The following RBFOX1 variants were observed in gnomAD, a reference collection of about 807,000 sequenced individuals.
RBFOX1 encodes RNA binding fox-1 homolog 1.
In RBFOX1, 8 loss-of-function variants were observed where a neutral mutation model predicts 57.7. That is an observed-to-expected ratio of 0.14 (90% confidence interval 0.08 to 0.25). RBFOX1 has a LOEUF of 0.25. Among genes scored for constraint, RBFOX1 ranks in the 10% least tolerant of loss-of-function variants. The pLI is 1.00. For missense variants in RBFOX1, 611 were observed against 548.5 expected (o/e 1.11, Z -1.14); for synonymous variants, 326 against 222.4 (o/e 1.47, Z -4.15).
chr16:7,294,921 A>T (rs1467787589), intron 4 of RBFOX1, among the ~76,000 whole-genome samples: 1 of 152,198 alleles, frequency 6.6e-6, no homozygotes, highest in Non-Finnish European at 1.5e-5. Context: ...TATTAGAAGG[A>T]TAAGATAGAT....
At chr16:5,497,998 G>A (rs2043059373) in intron 2 of RBFOX1, among the ~76,000 whole-genome samples, 1 of 152,128 alleles carries the variant, frequency 6.6e-6, no homozygotes, top group Admixed American at 6.6e-5. Context: ...TGCAAAGGCT[G>A]GAAGATGGGG....
intron 2 of RBFOX1, among the ~76,000 whole-genome samples, chr16:6,617,004 A>G (rs555148188): frequency 1.3e-5 from 2 of 152,270 alleles, no homozygotes; most frequent in South Asian, 4.1e-4. Flanking sequence ...GAAGATACAT[A>G]CTATCTGCTT....
At chr16:6,485,247 C>A (rs1003407857) in intron 2 of RBFOX1, among the ~76,000 whole-genome samples, 2 of 152,064 alleles carry the variant, frequency 1.3e-5, no homozygotes, top group Admixed American at 6.5e-5. Context: ...ACGTGTGATG[C>A]CTCCCCTCTA....
intron 3 of RBFOX1, among the ~76,000 whole-genome samples, chr16:6,867,760 T>C (rs991676123): frequency 4.6e-5 from 7 of 152,184 alleles, no homozygotes; most frequent in African/African-American, 4.8e-5. Flanking sequence ...ATGTGTGAAT[T>C]ACCCATGGCA....
chr16:7,046,641 C>T lies in RBFOX1; in HGVS notation c.-15-5416C>T, dbSNP rs187920135. On this transcript the variant is annotated intron_variant, in intron 3 of 15. Coordinates refer to ENST00000550418, the MANE Select transcript of RBFOX1 (RefSeq NM_018723.4). ...TTTTTTTTTTTGGAGTTGGGGAGTACAGAGTCTCAGTCTGTGTGCAATGGC... is the reference window on the plus strand; with the variant it reads ...TTTTTTTTTTTGGAGTTGGGGAGTATAGAGTCTCAGTCTGTGTGCAATGGC... Among the ~76,000 whole-genome samples the T allele has an allele frequency of 1.2e-3, 135 of 116,282 alleles. 1 individual carries two copies. The highest frequency in any genetic ancestry group is 7.0e-3 in the South Asian group (25 of 3,572). The allele number at this position is 116,282 out of a possible 152,430, so 76.3% of individuals were successfully genotyped here. A position where few individuals can be genotyped will look rare whatever the true frequency, so the allele number is the denominator to read the frequency against.
chr16:7,664,310 T>A (rs1395660921), intron 12 of RBFOX1, among the ~76,000 whole-genome samples: 1 of 152,188 alleles, frequency 6.6e-6, no homozygotes, highest in Non-Finnish European at 1.5e-5. Context: ...TTCTTGCACA[T>A]GTACCCATGC....
chr16:6,886,584 C>A (rs1049597929), intron 3 of RBFOX1, among the ~76,000 whole-genome samples: 1 of 151,722 alleles, frequency 6.6e-6, no homozygotes, highest in Non-Finnish European at 1.5e-5. Context: ...GAAACCATGT[C>A]TCTACTAAAA....
chr16:5,761,263 G>C (rs760857852), intron 3 of RBFOX1, among the ~76,000 whole-genome samples: 5 of 152,182 alleles, frequency 3.3e-5, no homozygotes, highest in Non-Finnish European at 5.9e-5. Flanking sequence ...TATAGAAGCA[G>C]AAAGGTGGGA....
intron 4 of RBFOX1, among the ~76,000 whole-genome samples, chr16:7,513,726 A>G (rs1011331175): frequency 2.6e-5 from 4 of 152,140 alleles, no homozygotes; most frequent in African/African-American, 4.8e-5. Context: ...CCTGCCACCT[A>G]TTAGGTTTTC....
At chr16:7,679,528 T>C (rs564498697) in intron 14 of RBFOX1, among the ~76,000 whole-genome samples, 2 of 152,292 alleles carry the variant, frequency 1.3e-5, no homozygotes, top group East Asian at 1.9e-4. Context: ...CAACAAACTT[T>C]CCCTGTAATC....
chr16:7,350,749 G>C (rs528643792), intron 4 of RBFOX1, among the ~76,000 whole-genome samples: 64 of 152,262 alleles, frequency 4.2e-4, no homozygotes, highest in Non-Finnish European at 7.8e-4. Context: ...AAGAGGGCCC[G>C]TTTCAGGGAT....
intron 3 of RBFOX1, among the ~76,000 whole-genome samples, chr16:7,040,296 G>C (rs946249593): frequency 5.9e-5 from 9 of 152,098 alleles, no homozygotes; most frequent in Admixed American, 5.2e-4. Flanking sequence ...TGGGATTGCA[G>C]GTGTGAGCCA....
chr16:6,890,931 G>A (rs1404114198), intron 3 of RBFOX1, among the ~76,000 whole-genome samples: 1 of 152,194 alleles, frequency 6.6e-6, no homozygotes, highest in Non-Finnish European at 1.5e-5. Context: ...ACAGACTCTT[G>A]CTTGCTTGTG....
At chr16:6,800,505 C>G (rs954377958) in intron 3 of RBFOX1, among the ~76,000 whole-genome samples, 19 of 152,148 alleles carry the variant, frequency 1.2e-4, no homozygotes, top group African/African-American at 2.4e-5. Flanking sequence ...TTCTAATAGG[C>G]TTCCAGGTGA....
chr16:7,685,663 C>A (rs2075912860), intron 14 of RBFOX1, among the ~76,000 whole-genome samples: 3 of 151,992 alleles, frequency 2.0e-5, no homozygotes. Flanking sequence ...CTAGTATTTG[C>A]AGTGAATATA....
intron 3 of RBFOX1, among the ~76,000 whole-genome samples, chr16:5,714,766 A>G (rs545578401): frequency 2.0e-5 from 3 of 152,362 alleles, no homozygotes; most frequent in East Asian, 3.9e-4. Context: ...TGAGTGATTT[A>G]TCACTATAAT....
chr16:6,574,083 CTTCA>C (rs2097386096), intron 2 of RBFOX1, among the ~76,000 whole-genome samples: 2 of 152,164 alleles, frequency 1.3e-5, no homozygotes, highest in Non-Finnish European at 2.9e-5. Flanking sequence ...TGTTTAAACT[CTTCA>C]TTCAAGCGAT....
intron 3 of RBFOX1, among the ~76,000 whole-genome samples, chr16:5,832,402 C>T (rs775006336): frequency 1.7e-4 from 26 of 152,218 alleles, no homozygotes; most frequent in Non-Finnish European, 2.8e-4. Flanking sequence ...TTGCCACTTC[C>T]TAGCTGTGTG....
intron 1 of RBFOX1, among the ~76,000 whole-genome samples, chr16:5,368,529 C>T (rs909507567): frequency 3.3e-5 from 5 of 152,174 alleles, no homozygotes; most frequent in Non-Finnish European, 7.4e-5. Flanking sequence ...ATGTTTCTTT[C>T]ATATTGGGTA....
Sources: gnomAD v4.1 joint callset for allele counts (sites outside exome capture counted in the v4.1 genomes callset) on GRCh38, gnomAD v4.1.1 for gene constraint, MANE v1.5 for transcripts, NCBI Gene and HGNC (gene_info 2026-07-23, HGNC 2026-07-21) for gene names.